Variants in CDH23 observed in about 807,000 individuals in gnomAD.
CDH23 encodes cadherin-23.
A neutral mutation model predicts 317.1 loss-of-function variants in CDH23; 189 were observed. The ratio of observed to expected loss-of-function variants is 0.60; its 90% CI spans 0.53 to 0.67. The LOEUF (loss-of-function observed/expected upper bound fraction) is 0.67. CDH23 is among the 30% of genes least tolerant of loss of function. The pLI is 0.00. For missense variants in CDH23, 4,401 were observed against 4,592.4 expected (o/e 0.96, Z 1.20); for synonymous variants, 1,839 against 1,876.8 (o/e 0.98, Z 0.52).
chr10:71,641,989 G>A (rs1295311630), intron 11 of CDH23, among the ~76,000 whole-genome samples: 6 of 152,122 alleles, frequency 3.9e-5, no homozygotes, highest in Admixed American at 6.5e-5. Context: ...CCAACTACTC[G>A]GGAGCCTGAG....
intron 39 of CDH23, 104 bp downstream of exon 39, chr10:71,778,005 G>A: frequency 2.1e-6 from 3 of 1,439,136 alleles, no homozygotes; most frequent in Non-Finnish European, 2.9e-6. Flanking sequence ...TGCAGTCTAG[G>A]GGAAACTGTG....
At chr10:71,594,934 C>A (rs1210002463) in intron 9 of CDH23, among the ~76,000 whole-genome samples, 1 of 152,096 alleles carries the variant, frequency 6.6e-6, no homozygotes, top group Non-Finnish European at 1.5e-5. Context: ...TTAATTTACC[C>A]ACAGGGCAAA....
At chr10:71,559,427 G>A (rs1419573120) in intron 6 of CDH23, among the ~76,000 whole-genome samples, 1 of 152,160 alleles carries the variant, frequency 6.6e-6, no homozygotes, top group African/African-American at 2.4e-5. Flanking sequence ...GACTAAAGAG[G>A]TATCCAAGGT....
At chr10:71,609,951 CGTGTGTGTGTGTGTGTGTGTGTGTGT>C (rs34311857) in intron 9 of CDH23, among the ~76,000 whole-genome samples, 1 of 142,772 alleles carries the variant, frequency 7.0e-6, no homozygotes, top group African/African-American at 2.6e-5. Context: ...AGGACTCCCC[CGTGTGTGTGTGTGTGTGTGTGTGTGT>C]GTGTGTGTGT....
At chr10:71,537,357 G>A (rs145870334) in intron 6 of CDH23, among the ~76,000 whole-genome samples, 85 of 152,322 alleles carry the variant, frequency 5.6e-4, no homozygotes, top group African/African-American at 1.9e-3. Context: ...GATCTGACAC[G>A]GTGGGGAGGG....
At chr10:71,661,870 TCCCCTCCCACCCAGCGCGC>T (rs1484042199) in intron 14 of CDH23, among the ~76,000 whole-genome samples, 11 of 32,986 alleles carry the variant, frequency 3.3e-4, no homozygotes, top group South Asian at 1.5e-3. Context: ...ACCCTGCACG[TCCCCTCCCACCCAGCGCGC>T]CCCCTCCCAC....
chr10:71,807,909 T>C lies in CDH23; in HGVS notation c.8624T>C (p.Ile2875Thr), dbSNP rs776064526. The C allele has an allele frequency of 1.9e-5, 31 of 1,604,462 alleles. No homozygotes were observed. The highest frequency in any genetic ancestry group is 5.4e-5 in the African/African-American group (4 of 74,742). Residue 2875 changes from isoleucine to threonine, a missense_variant, in exon 60 of 70, where the codon ATT becomes ACT. Ile to Thr is a moderately conservative substitution (Grantham distance 89). This residue lies in a region of CDH23 where 1,144 missense variants were observed against 1,138.2 expected (regional missense o/e 1.01). Transcript: ENST00000224721. ...LIQVLALDAD[I>T]GNNSLVFYSI... ...CAGGTGCTGGCCCTGGATGCAGACA[T>C]TGGCAACAACAGCCTTGTCTTCTAC...
intron 6 of CDH23, among the ~76,000 whole-genome samples, chr10:71,547,653 G>A (rs1406565552): frequency 6.6e-6 from 1 of 152,216 alleles, no homozygotes; most frequent in East Asian, 1.9e-4. Context: ...AGGGGTGGTG[G>A]TGGGTGGGAG....
chr10:71,715,334 C>T (rs189397182), intron 28 of CDH23: 1 of 152,394 alleles, frequency 6.6e-6, no homozygotes, highest in Admixed American at 6.5e-5. Flanking sequence ...CCTGTTTGCT[C>T]CTCCTCCCAG....
intron 1 of CDH23, among the ~76,000 whole-genome samples, chr10:71,427,865 G>A (rs945101515): frequency 4.6e-5 from 7 of 151,018 alleles, no homozygotes; most frequent in African/African-American, 1.7e-4. Context: ...GGCGCATGCT[G>A]CTATGCCTGG....
chr10:71,403,064 G>A (rs1378302802), intron 1 of CDH23, among the ~76,000 whole-genome samples: 1 of 152,148 alleles, frequency 6.6e-6, no homozygotes, highest in Non-Finnish European at 1.5e-5. Context: ...GGAGCTTGCA[G>A]TGAGCCGAGA....
chr10:71,465,267 T>C (rs1851192244), intron 3 of CDH23, among the ~76,000 whole-genome samples: 1 of 152,212 alleles, frequency 6.6e-6, no homozygotes, highest in Non-Finnish European at 1.5e-5. Flanking sequence ...GGTATAGAGT[T>C]GTATTTTATA....
intron 9 of CDH23, among the ~76,000 whole-genome samples, chr10:71,603,878 G>A (rs1459402530): frequency 6.6e-6 from 1 of 152,206 alleles, no homozygotes; most frequent in Non-Finnish European, 1.5e-5. Flanking sequence ...GGCTTCACAC[G>A]GTATTTTGTG....
intron 3 of CDH23, among the ~76,000 whole-genome samples, chr10:71,479,297 C>T (rs1302042126): frequency 6.6e-6 from 1 of 152,204 alleles, no homozygotes. Context: ...GGGGTTTCCT[C>T]ATGCTCATTT....
intron 60 of CDH23, among the ~76,000 whole-genome samples, chr10:71,809,563 C>A (rs573527714): frequency 1.2e-4 from 18 of 152,288 alleles, no homozygotes; most frequent in African/African-American, 4.3e-4. Flanking sequence ...TGGTCCTTCG[C>A]ACCCTAGCAT....
chr10:71,775,170 T>C (rs1840788189), intron 38 of CDH23, among the ~76,000 whole-genome samples: 1 of 151,736 alleles, frequency 6.6e-6, no homozygotes, highest in Admixed American at 6.6e-5. Flanking sequence ...CCAGGGGAGG[T>C]ACAAAGCCAA....
chr10:71,625,596 G>GC (rs1161894098), intron 11 of CDH23, among the ~76,000 whole-genome samples: 1 of 152,052 alleles, frequency 6.6e-6, no homozygotes, highest in Non-Finnish European at 1.5e-5. Context: ...CTGTCAGGCA[G>GC]CATCAGCCCA....
chr10:71,812,426 C>T, intron 66 of CDH23, 54 bp from the exon 67 acceptor site: 2 of 1,610,968 alleles, frequency 1.2e-6, no homozygotes, highest in African/African-American at 2.7e-5. Context: ...TGGAAGGGCA[C>T]CTGTCTACTC....
chr10:71,610,713 G>A (rs7904586), intron 9 of CDH23, among the ~76,000 whole-genome samples: 3 of 143,324 alleles, frequency 2.1e-5, no homozygotes, highest in Admixed American at 1.4e-4. Context: ...CCCACCCCCC[G>A]ACCCCTGCCC....
Sources: gnomAD v4.1 joint callset for allele counts (sites outside exome capture counted in the v4.1 genomes callset) on GRCh38, gnomAD v4.1.1 for gene constraint, gnomAD v4.1.1 regional missense constraint, MANE v1.5 for transcripts, NCBI Gene and HGNC (gene_info 2026-07-23, HGNC 2026-07-21) for gene names.